Variants in SUPT3H observed in about 807,000 individuals in gnomAD.
SUPT3H encodes the protein SPT3 homolog, SAGA and STAGA complex component.
SUPT3H carries 44 observed loss-of-function variants against 44.3 expected under a neutral mutation model. The observed-to-expected ratio is 0.99, with a 90% CI of 0.78 to 1.28. The LOEUF (loss-of-function observed/expected upper bound fraction) is 1.28, where lower values mean the gene tolerates loss of function less well. Among genes scored for constraint, SUPT3H ranks in the 50% most tolerant of loss-of-function variants. SUPT3H has a pLI of 0.00. For missense variants in SUPT3H, 380 were observed against 387.1 expected, an observed-to-expected ratio of 0.98 and a Z score of 0.15; for synonymous variants, 124 against 125.6, an observed-to-expected ratio of 0.99 and a Z score of 0.09.
intron 2 of SUPT3H, among the ~76,000 whole-genome samples, chr6:45,281,029 A>AT (rs2153666492): frequency 6.6e-6 from 1 of 152,370 alleles, no homozygotes; most frequent in South Asian, 2.1e-4. Context: ...AGTAATAGTA[A>AT]TTAACTGAGA....
intron 2 of SUPT3H, among the ~76,000 whole-genome samples, chr6:45,312,783 T>C (rs748415926): frequency 1.4e-4 from 20 of 143,470 alleles, no homozygotes; most frequent in Admixed American, 6.5e-4. Context: ...TTGGAACAAA[T>C]AGACTTTGAG....
chr6:44,981,524 C>A (rs1779088956), intron 6 of SUPT3H, among the ~76,000 whole-genome samples: 1 of 152,014 alleles, frequency 6.6e-6, no homozygotes, highest in African/African-American at 2.4e-5. Flanking sequence ...AATCATAACC[C>A]AAATATTTTG....
At chr6:45,257,704 C>T (rs368951745) in intron 2 of SUPT3H, among the ~76,000 whole-genome samples, 2 of 152,152 alleles carry the variant, frequency 1.3e-5, no homozygotes, top group South Asian at 2.1e-4. Flanking sequence ...GGTGAAAGGG[C>T]AAGAGAGAAC....
At chr6:44,859,950 A>C (rs553244122) in intron 10 of SUPT3H, among the ~76,000 whole-genome samples, 1 of 152,362 alleles carries the variant, frequency 6.6e-6, no homozygotes, top group East Asian at 1.9e-4. Context: ...CTTCTGCAGA[A>C]AAATGAGATT....
At chr6:44,956,105 G>A (rs1312447839) in intron 7 of SUPT3H, among the ~76,000 whole-genome samples, 1 of 148,604 alleles carries the variant, frequency 6.7e-6, no homozygotes, top group Non-Finnish European at 1.5e-5. Flanking sequence ...CTGGGCGAGT[G>A]CGAGACTCCG....
At chr6:44,884,089 G>GA (rs1203771584) in intron 10 of SUPT3H, among the ~76,000 whole-genome samples, 2 of 152,084 alleles carry the variant, frequency 1.3e-5, no homozygotes, top group Non-Finnish European at 2.9e-5. Context: ...CAGAATGGGT[G>GA]AAAATTTTTG....
intron 6 of SUPT3H, among the ~76,000 whole-genome samples, chr6:44,993,673 T>C (rs1432208507): frequency 6.6e-6 from 1 of 152,152 alleles, no homozygotes; most frequent in Non-Finnish European, 1.5e-5. Context: ...CAGAATAACA[T>C]ATACTGAATG....
intron 10 of SUPT3H, among the ~76,000 whole-genome samples, chr6:44,836,112 T>C (rs2153413474): frequency 6.6e-6 from 1 of 152,300 alleles, no homozygotes; most frequent in African/African-American, 2.4e-5. Flanking sequence ...TTAATTATAA[T>C]GAATAAAGCC....
intron 10 of SUPT3H, among the ~76,000 whole-genome samples, chr6:44,870,394 C>G (rs1290790351): frequency 1.3e-5 from 2 of 152,062 alleles, no homozygotes; most frequent in East Asian, 3.9e-4. Context: ...GCCAGGAGCT[C>G]AAGACCAGCC....
intron 2 of SUPT3H, among the ~76,000 whole-genome samples, chr6:45,281,727 A>G (rs1484559813): frequency 2.0e-5 from 3 of 152,184 alleles, no homozygotes; most frequent in African/African-American, 7.2e-5. Flanking sequence ...CCTGTCTGAC[A>G]GCTTTGAAGA....
chr6:45,013,519 T>C (rs944433091), intron 5 of SUPT3H, among the ~76,000 whole-genome samples: 2 of 152,010 alleles, frequency 1.3e-5, no homozygotes, highest in Non-Finnish European at 2.9e-5. Flanking sequence ...AGAATGGTGA[T>C]CTGGAAAGGG....
intron 2 of SUPT3H, among the ~76,000 whole-genome samples, chr6:45,109,473 C>G (rs1283476982): frequency 6.6e-6 from 1 of 151,958 alleles, no homozygotes; most frequent in Non-Finnish European, 1.5e-5. Context: ...CACAAATTGC[C>G]TAAGCTTTTA....
intron 2 of SUPT3H, among the ~76,000 whole-genome samples, chr6:45,158,046 TTTATAATTTATTTATAAATTA>T (rs979079860): frequency 1.3e-4 from 19 of 147,268 alleles, no homozygotes; most frequent in Non-Finnish European, 2.7e-4. Context: ...AAGAATCACA[TTTATAATTTATTTATAAATTA>T]TTATAATTTA....
chr6:44,913,286 C>G lies in SUPT3H; in HGVS notation c.912+19367G>C, dbSNP rs549695145. Among the ~76,000 whole-genome samples, 6 of 152,278 alleles carry G rather than the reference C, an allele frequency of 3.9e-5. No individual in the cohort carries two copies. The South Asian group carries it at 1.2e-3, about 32-fold the overall frequency. ...ATTCTTCTCTTTTTCCCAAGGAAAG[C>G]AGAGTCACAGCATGCCTGTGTTTAT... On this transcript the variant is annotated intron_variant, in intron 10 of 10. Coordinates refer to ENST00000371459, the MANE Select transcript of SUPT3H (RefSeq NM_003599.4).
At chr6:45,193,526 C>T (rs968933789) in intron 2 of SUPT3H, among the ~76,000 whole-genome samples, 1 of 152,076 alleles carries the variant, frequency 6.6e-6, no homozygotes, top group Admixed American at 6.6e-5. Flanking sequence ...AATACTCCTT[C>T]ATTGAACAAA....
Position 44,902,382 on chromosome 6 carries a change from C to T in SUPT3H, c.912+30271G>A, listed in dbSNP as rs148224193. 4.7e-3 allele frequency among the ~76,000 whole-genome samples: 721 copies of T among 152,156 alleles called. 9 individuals carry two copies. The highest frequency in any genetic ancestry group is 0.016 in the African/African-American group (673 of 41,518). On this transcript the variant is annotated intron_variant, in intron 10 of 10. Transcript: ENST00000371459. ...AGGCAGGATTGCAGGGGTTGCAATC[C>T]TAGTCTCTGATAAAACAGACTTTAA... is the stretch of plus-strand genomic sequence containing the variant.
chr6:45,373,736 A>T (rs543087481), intron 1 of SUPT3H, among the ~76,000 whole-genome samples: 227 of 152,232 alleles, frequency 1.5e-3, no homozygotes, highest in Admixed American at 3.1e-3. Context: ...TAATTTTAGT[A>T]GAGACGGGGT....
chr6:45,079,850 T>A (rs4711812), intron 3 of SUPT3H, among the ~76,000 whole-genome samples: 149,223 of 152,322 alleles, frequency 0.98, 73,104 homozygotes, highest in Middle Eastern at 1. Context: ...AAACTATTCA[T>A]AGAACTCACT....
At chr6:45,064,775 A>G (rs1480783310) in intron 3 of SUPT3H, among the ~76,000 whole-genome samples, 2 of 147,346 alleles carry the variant, frequency 1.4e-5, no homozygotes, top group African/African-American at 5.1e-5. Context: ...CTAAATATAT[A>G]TGCACCCAAT....
Sources: allele counts gnomAD v4.1 joint callset (sites outside exome capture counted in the v4.1 genomes callset), GRCh38; gene constraint gnomAD v4.1.1; transcripts MANE v1.5; gene names NCBI Gene and HGNC (gene_info 2026-07-23, HGNC 2026-07-21).